KCTD8: variants seen among roughly 807,000 people sequenced by gnomAD.
KCTD8 encodes BTB/POZ domain-containing protein KCTD8.
Under a neutral mutation model 31.5 loss-of-function variants are expected in KCTD8, and 27 were observed. The observed-to-expected ratio is 0.86, with a 90% CI of 0.63 to 1.18. The LOEUF is 1.18. Among genes scored for constraint, KCTD8 ranks in the 50% most tolerant of loss-of-function variants. The pLI is 0.00. For synonymous variants in KCTD8, 290 were observed against 280.0 expected, an observed-to-expected ratio of 1.04 and a Z score of -0.36; for missense variants, 658 against 647.7, an observed-to-expected ratio of 1.02 and a Z score of -0.17.
At chr4:44,352,609 C>CTT (rs10693884) in intron 1 of KCTD8, among the ~76,000 whole-genome samples, 87,272 of 147,830 alleles carry the variant, frequency 0.59, 26,573 homozygotes, top group South Asian at 0.67. Flanking sequence ...AGAATAAAGA[C>CTT]CAGATTTTTA....
At chr4:44,270,503 G>T (rs960310617) in intron 1 of KCTD8, among the ~76,000 whole-genome samples, 37 of 151,872 alleles carry the variant, frequency 2.4e-4, no homozygotes, top group African/African-American at 8.2e-4. Context: ...TAACTAACCT[G>T]CACATTGTGC....
intron 1 of KCTD8, among the ~76,000 whole-genome samples, chr4:44,336,136 C>G (rs1054502063): frequency 1.0e-5 from 1 of 98,424 alleles, no homozygotes; most frequent in Non-Finnish European, 1.8e-5. Context: ...GGCGACAGAG[C>G]GAGACTCCGT....
At chr4:44,234,609 T>C (rs1715221695) in intron 1 of KCTD8, among the ~76,000 whole-genome samples, 1 of 152,110 alleles carries the variant, frequency 6.6e-6, no homozygotes, top group Non-Finnish European at 1.5e-5. Context: ...ATAACTCCAT[T>C]GCATTGTACC....
intron 1 of KCTD8, among the ~76,000 whole-genome samples, chr4:44,239,267 A>T (rs1009079613): frequency 1.3e-5 from 2 of 152,188 alleles, no homozygotes; most frequent in African/African-American, 4.8e-5. Context: ...GCTACATCAC[A>T]CTGTTCCAAA....
At chr4:44,180,363 TTAGA>T (rs1013621195) in intron 1 of KCTD8, among the ~76,000 whole-genome samples, 1 of 152,118 alleles carries the variant, frequency 6.6e-6, no homozygotes, top group Non-Finnish European at 1.5e-5. Flanking sequence ...TTTTAAATAG[TTAGA>T]TAAATAGGTA....
At chr4:44,237,543 C>T (rs1715328817) in intron 1 of KCTD8, among the ~76,000 whole-genome samples, 1 of 152,186 alleles carries the variant, frequency 6.6e-6, no homozygotes, top group Admixed American at 6.5e-5. Flanking sequence ...TACTCTCCAA[C>T]TTGGATAGAC....
chr4:44,446,501 C>T (rs1057453096), intron 1 of KCTD8, among the ~76,000 whole-genome samples: 10 of 152,148 alleles, frequency 6.6e-5, no homozygotes, highest in African/African-American at 2.4e-4. Context: ...TCATAAACGC[C>T]ACTGAGAATT....
chr4:44,369,102 A>G (rs1719715383), intron 1 of KCTD8, among the ~76,000 whole-genome samples: 1 of 152,206 alleles, frequency 6.6e-6, no homozygotes, highest in African/African-American at 2.4e-5. Context: ...TTTCTGGTTA[A>G]GGGGAAAAAG....
At chr4:44,425,618 T>C (rs2109473525) in intron 1 of KCTD8, among the ~76,000 whole-genome samples, 1 of 152,078 alleles carries the variant, frequency 6.6e-6, no homozygotes, top group African/African-American at 2.4e-5. Context: ...AAAGAATCAA[T>C]GAATAAAAAA....
At chr4:44,316,441 C>A (rs796475498) in intron 1 of KCTD8, among the ~76,000 whole-genome samples, 6 of 151,992 alleles carry the variant, frequency 3.9e-5, no homozygotes, top group African/African-American at 1.4e-4. Flanking sequence ...CTGGATCTTT[C>A]TCTTGATGAT....
chr4:44,278,359 A>T (rs1183140678), intron 1 of KCTD8, among the ~76,000 whole-genome samples: 1 of 151,904 alleles, frequency 6.6e-6, no homozygotes, highest in East Asian at 1.9e-4. Flanking sequence ...TCCTAACCCC[A>T]CTTTCTGTCT....
intron 1 of KCTD8, among the ~76,000 whole-genome samples, chr4:44,385,020 C>A (rs996833562): frequency 6.7e-6 from 1 of 150,308 alleles, no homozygotes; most frequent in Non-Finnish European, 1.5e-5. Flanking sequence ...ATAAGCTTAA[C>A]CAAGAAGGTG....
In KCTD8 at chr4:44,289,882, C is replaced by T. The variant is rs182312779; in HGVS notation, c.962-114632G>A. Among the ~76,000 whole-genome samples, 12 of 152,146 alleles carry T rather than the reference C, an allele frequency of 7.9e-5. No homozygotes were observed. The East Asian group carries it at 2.1e-3, about 27-fold the overall frequency. On this transcript the variant is annotated intron_variant, in intron 1 of 1. Transcript: ENST00000360029. ...ACTGTAGGGTCAAGAGACTGCAGGG[C>T]CAAATTTTGCAAGAAATTATACATT...
At chr4:44,304,067 CT>C (rs1474169603) in intron 1 of KCTD8, among the ~76,000 whole-genome samples, 1 of 152,098 alleles carries the variant, frequency 6.6e-6, no homozygotes, top group African/African-American at 2.4e-5. Context: ...CTAACATCAC[CT>C]TATGTACTAA....
chr4:44,431,388 G>C (rs1032761865), intron 1 of KCTD8, among the ~76,000 whole-genome samples: 1 of 151,258 alleles, frequency 6.6e-6, no homozygotes, highest in Non-Finnish European at 1.5e-5. Context: ...TCGGGATAAA[G>C]ATCTTACTTA....
chr4:44,253,092 T>C (rs1253839860), intron 1 of KCTD8, among the ~76,000 whole-genome samples: 1 of 151,828 alleles, frequency 6.6e-6, no homozygotes, highest in Non-Finnish European at 1.5e-5. Context: ...GTGTTTTGTT[T>C]ATTTTTAATA....
intron 1 of KCTD8, among the ~76,000 whole-genome samples, chr4:44,387,807 G>C (rs1245031382): frequency 4.0e-5 from 6 of 151,880 alleles, no homozygotes; most frequent in Non-Finnish European, 7.4e-5. Context: ...ATAGGCACAG[G>C]CAAAGATTTC....
At chr4:44,183,085 C>G (rs34095364) in intron 1 of KCTD8, among the ~76,000 whole-genome samples, 5,506 of 152,242 alleles carry the variant, frequency 0.036, 341 homozygotes, top group African/African-American at 0.13. Flanking sequence ...CACACTGATT[C>G]TGGGTCTGCA....
At chr4:44,286,635 T>C (rs1424632768) in intron 1 of KCTD8, among the ~76,000 whole-genome samples, 1 of 152,146 alleles carries the variant, frequency 6.6e-6, no homozygotes, top group Non-Finnish European at 1.5e-5. Context: ...ACAGATACGT[T>C]TAAAGCTTTC....
Sources: allele counts gnomAD v4.1 joint callset (sites outside exome capture counted in the v4.1 genomes callset), GRCh38; gene constraint gnomAD v4.1.1; transcripts MANE v1.5; gene names NCBI Gene and HGNC (gene_info 2026-07-23, HGNC 2026-07-21).